RASAL2: variants seen among roughly 807,000 people sequenced by gnomAD.
The protein encoded by RASAL2 is ras GTPase-activating protein nGAP.
RASAL2 carries 58 observed loss-of-function variants against 128.9 expected under a neutral mutation model. The observed-to-expected ratio is 0.45, with a 90% CI of 0.36 to 0.56. The LOEUF is 0.56. Ranked by LOEUF, RASAL2 falls within the 20% of genes least tolerant of loss-of-function variation. The probability of loss-of-function intolerance (pLI) is 0.00; values close to 1 mark genes in which losing one functional copy is unlikely to be tolerated. For missense variants in RASAL2, 1,360 were observed against 1,601.6 expected, an observed-to-expected ratio of 0.85 and a Z score of 2.57; for synonymous variants, 561 against 580.8, an observed-to-expected ratio of 0.97 and a Z score of 0.49.
intron 1 of RASAL2, among the ~76,000 whole-genome samples, chr1:178,243,728 G>T (rs1321507422): frequency 6.6e-6 from 1 of 152,028 alleles, no homozygotes; most frequent in Non-Finnish European, 1.5e-5. Flanking sequence ...CAGATGTCCT[G>T]CCACTATTTT....
At chr1:178,360,913 C>T (rs552596388) in intron 3 of RASAL2, among the ~76,000 whole-genome samples, 2 of 152,238 alleles carry the variant, frequency 1.3e-5, no homozygotes, top group African/African-American at 4.8e-5. Context: ...AAGTGTACTT[C>T]ACTAATATTT....
At chr1:178,286,977 T>C (rs1370584054) in intron 2 of RASAL2, among the ~76,000 whole-genome samples, 1 of 152,156 alleles carries the variant, frequency 6.6e-6, no homozygotes, top group African/African-American at 2.4e-5. Context: ...ATTTCTTATT[T>C]CAGCAATCCT....
chr1:178,140,984 G>A (rs1199402336), intron 1 of RASAL2, among the ~76,000 whole-genome samples: 1 of 152,172 alleles, frequency 6.6e-6, no homozygotes, highest in Non-Finnish European at 1.5e-5. Context: ...AGGGCAGCAG[G>A]CACATCACAT....
At chr1:178,253,479 T>G (rs893280928) in intron 1 of RASAL2, among the ~76,000 whole-genome samples, 1 of 152,118 alleles carries the variant, frequency 6.6e-6, no homozygotes, top group Non-Finnish European at 1.5e-5. Flanking sequence ...CAATTGTCTG[T>G]ATGTAGTTTC....
chr1:178,185,732 A>T (rs1205738864), intron 1 of RASAL2, among the ~76,000 whole-genome samples: 3 of 152,046 alleles, frequency 2.0e-5, no homozygotes, highest in African/African-American at 7.2e-5. Flanking sequence ...CACACCTAGA[A>T]TCTCACTTGG....
intron 1 of RASAL2, among the ~76,000 whole-genome samples, chr1:178,217,256 T>G (rs1412850834): frequency 6.6e-6 from 1 of 152,232 alleles, no homozygotes; most frequent in African/African-American, 2.4e-5. Context: ...ATTACAGGCA[T>G]GAGCCACTGC....
In RASAL2 at chr1:178,349,258, T is replaced by TAAAAA. The variant is rs1163062770; in HGVS notation, c.458-40826_458-40822dup. Among the ~76,000 whole-genome samples, 2 of 110,810 alleles carry TAAAAA rather than the reference T, an allele frequency of 1.8e-5. 1 individual carries two copies. Among genetic ancestry groups the TAAAAA allele is most frequent in the Admixed American group, 1.9e-4 (2 of 10,540 alleles). 72.7% of individuals were successfully genotyped at this position (110,810 alleles called of 152,430 possible). A position where few individuals can be genotyped will look rare whatever the true frequency, so the allele number is the denominator to read the frequency against. On this transcript the variant is annotated intron_variant, in intron 3 of 17. Coordinates refer to ENST00000367649, the MANE Select transcript of RASAL2 (RefSeq NM_170692.4). ...ACATGGTGAAACCCTGTCTCTACTT[T>TAAAAA]AAAAAAAAAAAAAAAAAAAAGCCAG...
chr1:178,332,358 T>G (rs916857254), intron 3 of RASAL2, among the ~76,000 whole-genome samples: 14 of 151,860 alleles, frequency 9.2e-5, no homozygotes, highest in African/African-American at 3.4e-4. Flanking sequence ...ACAAAAAAAT[T>G]AGCCAGGGGT....
At chr1:178,314,775 C>T (rs1276897481) in intron 3 of RASAL2, among the ~76,000 whole-genome samples, 1 of 152,046 alleles carries the variant, frequency 6.6e-6, no homozygotes, top group African/African-American at 2.4e-5. Flanking sequence ...ACAGCTTCCT[C>T]TCACTTTATT....
intron 1 of RASAL2, among the ~76,000 whole-genome samples, chr1:178,173,966 A>G (rs573176840): frequency 1.3e-5 from 2 of 150,596 alleles, no homozygotes; most frequent in Admixed American, 1.3e-4. Context: ...CCCCCTCCCC[A>G]CTATTAGTTA....
At chr1:178,464,831 G>GT (rs986789340) in intron 15 of RASAL2, among the ~76,000 whole-genome samples, 772 of 38,178 alleles carry the variant, frequency 0.02, 5 homozygotes, top group East Asian at 0.05. Context: ...GGTTTTAGTT[G>GT]TTTTTTTTTT....
intron 1 of RASAL2, among the ~76,000 whole-genome samples, chr1:178,167,260 A>G (rs1256168085): frequency 6.6e-6 from 1 of 152,146 alleles, no homozygotes; most frequent in African/African-American, 2.4e-5. Flanking sequence ...AGACAGACAG[A>G]TAAAGCAGTA....
At chr1:178,247,208 T>G (rs1000504425) in intron 1 of RASAL2, among the ~76,000 whole-genome samples, 16 of 152,136 alleles carry the variant, frequency 1.1e-4, no homozygotes, top group Admixed American at 8.5e-4. Flanking sequence ...GGCTTTTTTT[T>G]GTTGGTAAGC....
intron 3 of RASAL2, among the ~76,000 whole-genome samples, chr1:178,327,944 G>C (rs1160001142): frequency 6.6e-6 from 1 of 152,214 alleles, no homozygotes. Flanking sequence ...CACAAGCCAG[G>C]GAATGCCAGG....
Position 178,445,636 on chromosome 1 carries a change from G to C in RASAL2, c.1601G>C (p.Gly534Ala), listed in dbSNP as rs1488640330. 11 of 1,613,164 alleles carry C rather than the reference G, an allele frequency of 6.8e-6. No individual in the cohort carries two copies. The highest frequency in any genetic ancestry group is 2.2e-5 in the East Asian group (1 of 44,864). Residue 534 changes from glycine to alanine, a missense_variant, in exon 9 of 18, where the codon GGA (glycine) becomes GCA (alanine). Physicochemically the swap from Gly to Ala is moderately conservative, Grantham distance 60. Transcript: ENST00000367649. ...ATTGAGGAATACCTCAAGTTGGTGGGACAACAGTATCTTCATGACGCACTG... is the reference window on the plus strand; with the variant it reads ...ATTGAGGAATACCTCAAGTTGGTGGCACAACAGTATCTTCATGACGCACTG... Reference protein sequence around the residue: ...KSIEEYLKLVGQQYLHDALGE... With the variant: ...KSIEEYLKLVAQQYLHDALGE...
chr1:178,378,250 A>G (rs1672099828), intron 3 of RASAL2, among the ~76,000 whole-genome samples: 1 of 152,004 alleles, frequency 6.6e-6, no homozygotes, highest in African/African-American at 2.4e-5. Flanking sequence ...GAATAAGACT[A>G]TCAAAAAAGT....
At chr1:178,415,073 C>T (rs1407705870) in intron 4 of RASAL2, among the ~76,000 whole-genome samples, 1 of 151,930 alleles carries the variant, frequency 6.6e-6, no homozygotes. Flanking sequence ...TCAATTTAAT[C>T]GATTCTGCAC....
chr1:178,359,941 T>C (rs948978955), intron 3 of RASAL2, among the ~76,000 whole-genome samples: 1 of 152,038 alleles, frequency 6.6e-6, no homozygotes, highest in Admixed American at 6.6e-5. Context: ...GACTCACAGA[T>C]TATATAAGCT....
chr1:178,142,107 G>T (rs1037572006), intron 1 of RASAL2, among the ~76,000 whole-genome samples: 3 of 152,116 alleles, frequency 2.0e-5, no homozygotes, highest in African/African-American at 7.2e-5. Flanking sequence ...CCTCAAGGTT[G>T]TTGCTTGAAG....
Sources: gnomAD v4.1 joint callset for allele counts (sites outside exome capture counted in the v4.1 genomes callset) on GRCh38, gnomAD v4.1.1 for gene constraint, MANE v1.5 for transcripts, NCBI Gene and HGNC (gene_info 2026-07-23, HGNC 2026-07-21) for gene names.